The following DPYSL4 variants were observed in gnomAD, a reference collection of about 807,000 sequenced individuals.
DPYSL4 encodes dihydropyrimidinase like 4.
Under a neutral mutation model 63.4 loss-of-function variants are expected in DPYSL4, and 43 were observed. The observed-to-expected ratio is 0.68, with a 90% CI of 0.53 to 0.88. The LOEUF (loss-of-function observed/expected upper bound fraction) is 0.88. DPYSL4 is among the 40% of genes least tolerant of loss of function. DPYSL4 has a pLI of 0.00. For synonymous variants in DPYSL4, 353 were observed against 331.7 expected (o/e 1.06, Z -0.70); for missense variants, 733 against 819.5 (o/e 0.89, Z 1.29).
chr10:132,193,808 G>A (rs917129646), intron 3 of DPYSL4, among the ~76,000 whole-genome samples: 12 of 152,242 alleles, frequency 7.9e-5, no homozygotes, highest in African/African-American at 2.4e-4. Context: ...CTGGCACACC[G>A]GGGAGGGCAG....
Position 132,204,975 on chromosome 10 carries a change from C to G in DPYSL4, c.*45C>G. 1 of 1,526,082 alleles carries G rather than the reference C, an allele frequency of 6.6e-7. No homozygotes were observed. The highest frequency in any genetic ancestry group is 8.9e-7 in the Non-Finnish European group (1 of 1,128,420). The allele number at this position is 1,526,082 out of a possible 1,614,324, so 94.5% of individuals were successfully genotyped here. A position where few individuals can be genotyped will look rare whatever the true frequency, so the allele number is the denominator to read the frequency against. ...TGAGCCGTGCTGGCCCCACCCGAGG[C>G]CGCGGGGGCCCCAGGGCACTCGCCC... On this transcript the variant is annotated 3_prime_UTR_variant, in exon 14 of 14. Coordinates refer to ENST00000338492, the MANE Select transcript of DPYSL4 (RefSeq NM_006426.3).
chr10:132,204,909 C>A lies in DPYSL4; in HGVS notation c.1698C>A (p.Ser566=). 6 of 1,612,162 alleles carry A rather than the reference C, an allele frequency of 3.7e-6. No homozygotes were observed. The highest frequency in any genetic ancestry group is 5.1e-6 in the Non-Finnish European group (6 of 1,179,034). The part of the protein sequence containing the change: ...QKIMAPPGGR[S]NITSLS Reference sequence around the variant, plus strand: ...TCATGGCACCACCTGGCGGCCGCTCCAACATCACCTCTCTCTCCTAGACGC... The same window carrying A: ...TCATGGCACCACCTGGCGGCCGCTCAAACATCACCTCTCTCTCCTAGACGC... Residue 566 remains serine, a synonymous_variant, in exon 14 of 14, where the codon TCC becomes TCA. Coordinates refer to ENST00000338492, the MANE Select transcript of DPYSL4 (RefSeq NM_006426.3).
At chr10:132,199,977 C>T (rs1350050680) in intron 8 of DPYSL4, among the ~76,000 whole-genome samples, 1 of 152,156 alleles carries the variant, frequency 6.6e-6, no homozygotes, top group African/African-American at 2.4e-5. Flanking sequence ...CAGCTGTGAG[C>T]TGGAACCCTG....
At position 132,186,994 on chromosome 10, in the gene DPYSL4, T is replaced by TCCGGCCCCCCCCCCCCCC; in HGVS notation, c.-68_-67insGGCCCCCCCCCCCCCCCC. The TCCGGCCCCCCCCCCCCCC allele has an allele frequency of 7.4e-5, 16 of 217,360 alleles. 1 individual carries two copies. Among genetic ancestry groups the TCCGGCCCCCCCCCCCCCC allele is most frequent in the South Asian group, 5.2e-4 (7 of 13,404 alleles). 13.5% of individuals were successfully genotyped at this position (217,360 alleles called of 1,614,324 possible). A position where few individuals can be genotyped will look rare whatever the true frequency, so the allele number is the denominator to read the frequency against. ...CCACGCACGCGTCCCGGCTCACGCG[T>TCCGGCCCCCCCCCCCCCC]CCCCCCGCCCGCCCGCCCGCCCGCC... On this transcript the variant is annotated 5_prime_UTR_variant, in exon 1 of 14. Coordinates refer to ENST00000338492, the MANE Select transcript of DPYSL4 (RefSeq NM_006426.3).
chr10:132,186,994 T>TCCCCCCCCCCCCCCCCCCCCC lies in DPYSL4; in HGVS notation c.-64_-63insCCCCCCCCCCCCCCCCCCCCC. The TCCCCCCCCCCCCCCCCCCCCC allele has an allele frequency of 9.2e-6, 2 of 217,372 alleles. 1 individual carries two copies. The highest frequency in any genetic ancestry group is 1.8e-5 in the Non-Finnish European group (2 of 109,622). The allele number at this position is 217,372 out of a possible 1,614,324, so 13.5% of individuals were successfully genotyped here. A position where few individuals can be genotyped will look rare whatever the true frequency, so the allele number is the denominator to read the frequency against. ...CCACGCACGCGTCCCGGCTCACGCG[T>TCCCCCCCCCCCCCCCCCCCCC]CCCCCCGCCCGCCCGCCCGCCCGCC... On this transcript the variant is annotated 5_prime_UTR_variant, in exon 1 of 14. Coordinates refer to ENST00000338492, the MANE Select transcript of DPYSL4 (RefSeq NM_006426.3).
Position 132,204,961 on chromosome 10 carries a change from G to A in DPYSL4, c.*31G>A, listed in dbSNP as rs772117118. 1 of 1,565,558 alleles carries A rather than the reference G, an allele frequency of 6.4e-7. No homozygotes were observed. The highest frequency in any genetic ancestry group is 8.7e-7 in the Non-Finnish European group (1 of 1,156,038). On this transcript the variant is annotated 3_prime_UTR_variant, in exon 14 of 14. Coordinates refer to ENST00000338492, the MANE Select transcript of DPYSL4 (RefSeq NM_006426.3). ...CAGGACCGGCCCTGTGAGCCGTGCT[G>A]GCCCCACCCGAGGCCGCGGGGGCCC...
At position 132,202,961 on chromosome 10, in the gene DPYSL4, G is replaced by A. The variant is rs1590106559; in HGVS notation, c.1461+136G>A. 11 of 1,057,186 alleles carry A rather than the reference G, an allele frequency of 1.0e-5. No homozygotes were observed. In the East Asian group the frequency reaches 2.7e-4, roughly 26 times the overall value. 65.5% of individuals were successfully genotyped at this position (1,057,186 alleles called of 1,614,324 possible). On this transcript the variant is annotated intron_variant, in intron 12 of 13. Coordinates refer to ENST00000338492, the MANE Select transcript of DPYSL4 (RefSeq NM_006426.3). Reference sequence around the variant, plus strand: ...ACAGAGCGGGGCCGCTGCTTGCCCAGGGCCCTGGTGGGTCTAAGTGGAGAA... The same window carrying A: ...ACAGAGCGGGGCCGCTGCTTGCCCAAGGCCCTGGTGGGTCTAAGTGGAGAA...
intron 2 of DPYSL4, 180 bp from the exon 3 acceptor site, chr10:132,192,478 T>G: frequency 1.5e-6 from 2 of 1,366,600 alleles, no homozygotes; most frequent in South Asian, 3.6e-5. Flanking sequence ...TGAGCTGCGC[T>G]GAGTGATGCT....
chr10:132,196,712 G>A (rs1049274302), intron 4 of DPYSL4, 149 bp from the exon 5 acceptor site: 2 of 820,916 alleles, frequency 2.4e-6, no homozygotes, highest in Non-Finnish European at 2.0e-6. Flanking sequence ...GGAAGCGGGG[G>A]ACTGCTCCCA....
chr10:132,192,718 G>A lies in DPYSL4; in HGVS notation c.189G>A (p.Leu63=). 1 of 1,613,472 alleles carries A rather than the reference G, an allele frequency of 6.2e-7. No individual in the cohort carries two copies. Among genetic ancestry groups the A allele is most frequent in the Non-Finnish European group, 8.5e-7 (1 of 1,179,962 alleles). The change falls in exon 3 of 14, where the codon CTG becomes CTA. Residue 63 remains leucine (L), a synonymous_variant. Coordinates refer to ENST00000338492, the MANE Select transcript of DPYSL4 (RefSeq NM_006426.3). ...GGIKTIDAHG[L]MVLPGGVDVH... ...TCAAGACCATTGACGCCCACGGCCT[G>A]ATGGTCCTTCCTGGTGGCGTTGACG...
At chr10:132,201,043 T>G in intron 10 of DPYSL4, 60 bp downstream of exon 10, 2 of 1,589,412 alleles carry the variant, frequency 1.3e-6, no homozygotes, top group Non-Finnish European at 8.6e-7. Flanking sequence ...GGGATTGTGA[T>G]GGCTGGTCAG....
chr10:132,197,294 G>C (rs1190733365), intron 6 of DPYSL4, among the ~76,000 whole-genome samples, 193 bp downstream of exon 6: 1 of 152,212 alleles, frequency 6.6e-6, no homozygotes, highest in African/African-American at 2.4e-5. Context: ...GAGAGACTGG[G>C]GGGTGATGGG....
At chr10:132,188,166 G>T (rs1190516309) in intron 1 of DPYSL4, among the ~76,000 whole-genome samples, 1 of 152,214 alleles carries the variant, frequency 6.6e-6, no homozygotes, top group Non-Finnish European at 1.5e-5. Flanking sequence ...GGTGGCAGGA[G>T]GACCCCTTCC....
intron 12 of DPYSL4, among the ~76,000 whole-genome samples, chr10:132,203,215 C>G (rs1035346734): frequency 6.6e-6 from 1 of 152,178 alleles, no homozygotes; most frequent in African/African-American, 2.4e-5. Context: ...CAGACGTGCA[C>G]GCTGATTTGT....
chr10:132,197,709 T>G (rs1180690171), intron 6 of DPYSL4, among the ~76,000 whole-genome samples: 1 of 152,150 alleles, frequency 6.6e-6, no homozygotes, highest in African/African-American at 2.4e-5. Flanking sequence ...AAACCCACAG[T>G]GAGACTTCGT....
chr10:132,186,994 T>TCCGCCCCCCCCCCC lies in DPYSL4; in HGVS notation c.-68_-67insGCCCCCCCCCCCCC. Reference sequence around the variant, plus strand: ...CCACGCACGCGTCCCGGCTCACGCGTCCCCCCGCCCGCCCGCCCGCCCGCC... The same window carrying TCCGCCCCCCCCCCC: ...CCACGCACGCGTCCCGGCTCACGCGTCCGCCCCCCCCCCCCCCCCCGCCCGCCCGCCCGCCCGCC... On this transcript the variant is annotated 5_prime_UTR_variant, in exon 1 of 14. Coordinates refer to ENST00000338492, the MANE Select transcript of DPYSL4 (RefSeq NM_006426.3). 2 of 217,372 alleles carry TCCGCCCCCCCCCCC rather than the reference T, an allele frequency of 9.2e-6. No homozygotes were observed. Among genetic ancestry groups the TCCGCCCCCCCCCCC allele is most frequent in the Non-Finnish European group, 1.8e-5 (2 of 109,622 alleles). 13.5% of individuals were successfully genotyped at this position (217,372 alleles called of 1,614,324 possible).
rs2061797965 is a variant in DPYSL4 at position 132,186,969 on chromosome 10, C to T, written c.-95C>T. On this transcript the variant is annotated 5_prime_UTR_variant, in exon 1 of 14. Coordinates refer to ENST00000338492, the MANE Select transcript of DPYSL4 (RefSeq NM_006426.3). ...GCTCGCAGTCTGTCTCCCGCCGTCC[C>T]CACGCACGCGTCCCGGCTCACGCGT... The T allele has an allele frequency of 3.4e-6, 2 of 591,634 alleles. No individual in the cohort carries two copies. Among genetic ancestry groups the T allele is most frequent in the Non-Finnish European group, 5.3e-6 (2 of 375,890 alleles). 36.6% of individuals were successfully genotyped at this position (591,634 alleles called of 1,614,324 possible). A position where few individuals can be genotyped will look rare whatever the true frequency, so the allele number is the denominator to read the frequency against.
intron 11 of DPYSL4, 77 bp downstream of exon 11, chr10:132,202,193 C>A: frequency 1.3e-6 from 2 of 1,536,552 alleles, no homozygotes; most frequent in Non-Finnish European, 1.8e-6. Flanking sequence ...AGGAGAGGCG[C>A]AGGACAGAGG....
intron 9 of DPYSL4, 63 bp from the exon 10 acceptor site, chr10:132,200,779 G>A (rs2062003719): frequency 1.3e-6 from 2 of 1,577,688 alleles, no homozygotes; most frequent in Non-Finnish European, 1.7e-6. Context: ...AAGGGGGCTG[G>A]AGCTGACCTG....
Sources: allele counts gnomAD v4.1 joint callset (sites outside exome capture counted in the v4.1 genomes callset), GRCh38; gene constraint gnomAD v4.1.1; transcripts MANE v1.5; gene names NCBI Gene and HGNC (gene_info 2026-07-23, HGNC 2026-07-21).